SLC39A8: variants seen among roughly 807,000 people sequenced by gnomAD.
SLC39A8 encodes metal cation symporter ZIP8.
SLC39A8 carries 15 observed loss-of-function variants against 40.4 expected under a neutral mutation model. The ratio of observed to expected loss-of-function variants is 0.37; its 90% confidence interval spans 0.25 to 0.57. SLC39A8 has a LOEUF of 0.57. SLC39A8 is among the 20% of genes least tolerant of loss of function. The pLI is 0.75. For missense variants in SLC39A8, 472 were observed against 558.8 expected, an observed-to-expected ratio of 0.84 and a Z score of 1.57; for synonymous variants, 223 against 221.6, an observed-to-expected ratio of 1.01 and a Z score of -0.06.
At chr4:102,332,468 C>A (rs1735508293) in intron 2 of SLC39A8, among the ~76,000 whole-genome samples, 1 of 152,196 alleles carries the variant, frequency 6.6e-6, no homozygotes, top group Non-Finnish European at 1.5e-5. Flanking sequence ...ACTGATATAC[C>A]ATCTCATGCC....
chr4:102,296,131 T>C (rs559175030), intron 6 of SLC39A8, among the ~76,000 whole-genome samples: 2 of 152,114 alleles, frequency 1.3e-5, no homozygotes, highest in South Asian at 2.1e-4. Flanking sequence ...TTCAGAAGGT[T>C]GTCTTTATTA....
intron 11 of SLC39A8, chr4:102,253,481 C>A (rs1395299917): frequency 7.2e-6 from 5 of 692,968 alleles, no homozygotes; most frequent in South Asian, 4.8e-5. Flanking sequence ...TGTGAGTTAC[C>A]ATGTTTCCGT....
chr4:102,259,421 C>T, downstream of SLC39A8: 1 of 1,405,978 alleles, frequency 7.1e-7, no homozygotes, highest in Non-Finnish European at 9.8e-7. Flanking sequence ...AACATGCAAG[C>T]CCACCCATTA....
chr4:102,304,598 G>C, intron 5 of SLC39A8, 117 bp from the exon 6 acceptor site: 1 of 729,082 alleles, frequency 1.4e-6, no homozygotes, highest in Non-Finnish European at 2.1e-6. Flanking sequence ...TCTATTCTAT[G>C]TGTAAAGAAG....
chr4:102,334,997 G>C (rs1735608092), intron 2 of SLC39A8, among the ~76,000 whole-genome samples: 1 of 152,118 alleles, frequency 6.6e-6, no homozygotes, highest in African/African-American at 2.4e-5. Context: ...ACTAGGACAG[G>C]ACCTGTTTCC....
At chr4:102,340,941 G>C (rs1735915801) in intron 2 of SLC39A8, among the ~76,000 whole-genome samples, 1 of 152,212 alleles carries the variant, frequency 6.6e-6, no homozygotes, top group Non-Finnish European at 1.5e-5. Context: ...TTAAGAAGTG[G>C]TTGAGCAAAA....
intron 2 of SLC39A8, chr4:102,324,267 T>C (rs1218073400): frequency 1.1e-5 from 4 of 358,648 alleles, no homozygotes; most frequent in Non-Finnish European, 2.3e-5. Flanking sequence ...TGTTGGTGCA[T>C]GCCTGTAATC....
intron 6 of SLC39A8, among the ~76,000 whole-genome samples, chr4:102,268,765 C>T (rs1732220062): frequency 1.3e-5 from 2 of 152,182 alleles, no homozygotes; most frequent in African/African-American, 4.8e-5. Context: ...CTAGCCTTTA[C>T]ACTAACACTT....
rs575203196 is a variant in SLC39A8 at position 102,303,880 on chromosome 4, T to C, written c.840+437A>G. On this transcript the variant is annotated intron_variant, in intron 6 of 8. Transcript: ENST00000356736. The stretch of plus-strand genomic sequence containing the variant: ...ATTAATATTATTTAGAAGATGTGGA[T>C]ATAAATATAAATTATAAGTCAGACA... 2.0e-5 allele frequency among the ~76,000 whole-genome samples: 3 copies of C among 152,022 alleles called. No individual in the cohort carries two copies. In the South Asian group the frequency reaches 6.2e-4, roughly 32 times the overall value.
intron 6 of SLC39A8, 100 bp from the exon 7 acceptor site, chr4:102,268,179 C>T: frequency 8.1e-7 from 1 of 1,239,526 alleles, no homozygotes; most frequent in Non-Finnish European, 1.2e-6. Flanking sequence ...ACAAATTGTT[C>T]CAACAGAAAG....
chr4:102,312,626 T>C (rs553052825), intron 3 of SLC39A8, among the ~76,000 whole-genome samples: 6 of 152,146 alleles, frequency 3.9e-5, no homozygotes, highest in Non-Finnish European at 7.4e-5. Context: ...TATTTGCTTT[T>C]TCTGAAACCT....
chr4:102,294,887 C>T (rs1192956148), intron 6 of SLC39A8, among the ~76,000 whole-genome samples: 1 of 151,822 alleles, frequency 6.6e-6, no homozygotes, highest in African/African-American at 2.4e-5. Flanking sequence ...AAAAAGATAC[C>T]ACTTCAGACT....
At chr4:102,329,597 T>C in intron 2 of SLC39A8, among the ~76,000 whole-genome samples, 1 of 131,760 alleles carries the variant, frequency 7.6e-6, no homozygotes, top group Non-Finnish European at 1.6e-5. Context: ...CAATCCAGCC[T>C]GGGGGAGAGA....
intron 2 of SLC39A8, among the ~76,000 whole-genome samples, chr4:102,335,249 T>C (rs144014127): frequency 2.0e-5 from 3 of 152,332 alleles, no homozygotes; most frequent in Admixed American, 6.5e-5. Flanking sequence ...CTGCATGTTT[T>C]ATAGAACATA....
intron 6 of SLC39A8, among the ~76,000 whole-genome samples, chr4:102,284,567 G>A (rs530740175): frequency 8.2e-4 from 125 of 152,312 alleles, no homozygotes; most frequent in Non-Finnish European, 1.3e-3. Flanking sequence ...CTGATTTAAT[G>A]TATGGACCAG....
At chr4:102,301,290 T>C (rs1163095520) in intron 6 of SLC39A8, among the ~76,000 whole-genome samples, 1 of 152,048 alleles carries the variant, frequency 6.6e-6, no homozygotes, top group Non-Finnish European at 1.5e-5. Context: ...GTCCCTTGTG[T>C]GTGACCTGTT....
chr4:102,342,992 A>G (rs1736010134), intron 2 of SLC39A8, among the ~76,000 whole-genome samples: 1 of 152,200 alleles, frequency 6.6e-6, no homozygotes, highest in Non-Finnish European at 1.5e-5. Flanking sequence ...TGTTTCCCCT[A>G]TTTGATAAGA....
chr4:102,328,900 C>T (rs956330404), intron 2 of SLC39A8, among the ~76,000 whole-genome samples: 5 of 151,776 alleles, frequency 3.3e-5, no homozygotes, highest in South Asian at 2.1e-4. Context: ...TGGTGGTGGG[C>T]GCCTGTAGTC....
intron 6 of SLC39A8, among the ~76,000 whole-genome samples, chr4:102,297,796 C>CA (rs1038881383): frequency 9.2e-5 from 14 of 151,986 alleles, no homozygotes; most frequent in African/African-American, 3.1e-4. Flanking sequence ...CATGTGCCTG[C>CA]AGTCTCAGCT....
Sources: allele counts gnomAD v4.1 joint callset (sites outside exome capture counted in the v4.1 genomes callset), GRCh38; gene constraint gnomAD v4.1.1; transcripts MANE v1.5; gene names NCBI Gene and HGNC (gene_info 2026-07-23, HGNC 2026-07-21).